CFAP74: variants seen among roughly 807,000 people sequenced by gnomAD.
CFAP74 encodes the protein cilia and flagella associated protein 74, also known as cilia- and flagella-associated protein 74.
In CFAP74, 124 loss-of-function variants were observed where a neutral mutation model predicts 188.9. The observed-to-expected ratio is 0.66, with a 90% confidence interval of 0.57 to 0.76. The LOEUF (loss-of-function observed/expected upper bound fraction) is 0.76, where lower values mean the gene tolerates loss of function less well. CFAP74 is among the 30% of genes least tolerant of loss of function. The pLI is 0.00. For synonymous variants in CFAP74, 956 were observed against 916.7 expected (o/e 1.04, Z -0.77); for missense variants, 2,198 against 2,165.2 (o/e 1.02, Z -0.30).
At chr1:1,983,264 C>T (rs955546103) in intron 6 of CFAP74, among the ~76,000 whole-genome samples, 2 of 152,244 alleles carry the variant, frequency 1.3e-5, no homozygotes, top group East Asian at 1.9e-4. Flanking sequence ...GGGATGCCAG[C>T]GCTCGTGTGA....
intron 6 of CFAP74, among the ~76,000 whole-genome samples, chr1:1,977,588 G>A (rs757545956): frequency 1.6e-4 from 24 of 152,230 alleles, no homozygotes; most frequent in Non-Finnish European, 2.8e-4. Flanking sequence ...TACACAGCAG[G>A]ACGTGGGGGA....
Position 1,929,853 on chromosome 1 carries a change from C to G in CFAP74, c.3288+207G>C, listed in dbSNP as rs532318866. On this transcript the variant is annotated intron_variant, in intron 26 of 38. Transcript: ENST00000682832. ...TGGACCAAGGGCACTGTGACCCCCC[C>G]CGATGGGGGTGGCCTTGGGCCCCCA... is the stretch of plus-strand genomic sequence containing the variant. 2.4e-4 allele frequency among the ~76,000 whole-genome samples: 36 copies of G among 152,208 alleles called. 1 individual carries two copies. The South Asian group carries it at 7.0e-3, about 30-fold the overall frequency.
At position 1,924,282 on chromosome 1, in the gene CFAP74, A is replaced by C. The variant is rs540924887; in HGVS notation, c.4234+109T>G. On this transcript the variant is annotated intron_variant, in intron 34 of 38. Transcript: ENST00000682832. Reference sequence around the variant, plus strand: ...CAGTTCACCGCCCGCAGCCCATCTCATTGCCCAGCCCCCTATCTCACCAAC... The same window carrying C: ...CAGTTCACCGCCCGCAGCCCATCTCCTTGCCCAGCCCCCTATCTCACCAAC... 24 of 272,194 alleles carry C rather than the reference A, an allele frequency of 8.8e-5. No homozygotes were observed. The South Asian group carries it at 1.1e-3, about 13-fold the overall frequency. The allele number at this position is 272,194 out of a possible 1,614,324, so 16.9% of individuals were successfully genotyped here.
chr1:1,938,089 ACTCAAC>A (rs1319383967), intron 25 of CFAP74, among the ~76,000 whole-genome samples: 4 of 147,534 alleles, frequency 2.7e-5, no homozygotes. Context: ...ACGCACTCAC[ACTCAAC>A]CTTACACACC....
In CFAP74 at chr1:1,991,784, A is replaced by G. The variant is rs1202905877; in HGVS notation, c.-19-809T>C. On this transcript the variant is annotated intron_variant, in intron 1 of 38. Transcript: ENST00000682832. ...GCTGGGCGTGGTGGCTCACACCTGT[A>G]ATCCCAGCACTTTGGGAGGCCAAGG... is the stretch of plus-strand genomic sequence containing the variant. Among the ~76,000 whole-genome samples the G allele has an allele frequency of 2.0e-5, 3 of 152,086 alleles. No homozygotes were observed. The East Asian group carries it at 5.8e-4, about 29-fold the overall frequency.
At chr1:1,931,560 C>T (rs1442028398) in intron 25 of CFAP74, among the ~76,000 whole-genome samples, 1 of 137,600 alleles carries the variant, frequency 7.3e-6, no homozygotes, top group Non-Finnish European at 1.6e-5. Context: ...CACGGCGAAA[C>T]CCCGTCGCTA....
intron 1 of CFAP74, among the ~76,000 whole-genome samples, chr1:1,992,640 AT>A (rs1427486930): frequency 6.6e-6 from 1 of 150,942 alleles, no homozygotes; most frequent in Admixed American, 6.6e-5. Context: ...CGCCCAGCTA[AT>A]TTTTTTGTAT....
chr1:1,931,346 C>T (rs184424921), intron 25 of CFAP74, among the ~76,000 whole-genome samples: 84 of 147,682 alleles, frequency 5.7e-4, no homozygotes, highest in Non-Finnish European at 1.1e-3. Context: ...AGGAGAATGG[C>T]GTGAATCCTG....
intron 21 of CFAP74, among the ~76,000 whole-genome samples, chr1:1,944,085 C>A (rs567620585): frequency 3.4e-4 from 52 of 152,330 alleles, no homozygotes; most frequent in Middle Eastern, 3.4e-3. Flanking sequence ...GTCTGCTAAG[C>A]CCCCTGCTTG....
chr1:1,944,151 T>C (rs1653580812), intron 21 of CFAP74, among the ~76,000 whole-genome samples, 180 bp downstream of exon 21: 1 of 152,114 alleles, frequency 6.6e-6, no homozygotes, highest in African/African-American at 2.4e-5. Flanking sequence ...CCAGGTGCCA[T>C]GTCCCCGCTG....
Position 1,985,472 on chromosome 1 carries a change from G to A in CFAP74, c.414C>T (p.Leu138=), listed in dbSNP as rs1471126165. 6 of 1,613,880 alleles carry A rather than the reference G, an allele frequency of 3.7e-6. No homozygotes were observed. Among genetic ancestry groups the A allele is most frequent in the Non-Finnish European group, 5.1e-6 (6 of 1,180,002 alleles). ...EAGNMAAVGR[L]QAVSRRLFAE... ...CAAACAGGCGTCTGGACACGGCCTG[G>A]AGGCGGCCCACAGCGGCCCTGCAGT... Residue 138 remains leucine (L), a synonymous_variant, in exon 6 of 39, where the codon CTC becomes CTT. Coordinates refer to ENST00000682832, the MANE Select transcript of CFAP74 (RefSeq NM_001304360.2).
At chr1:1,970,900 G>T (rs941315821) in intron 9 of CFAP74, 84 bp from the exon 10 acceptor site, 5 of 1,524,328 alleles carry the variant, frequency 3.3e-6, no homozygotes, top group Non-Finnish European at 4.5e-6. Flanking sequence ...TGCACACACA[G>T]GTTCATACAT....
chr1:1,981,481 C>G (rs371670493), intron 6 of CFAP74, among the ~76,000 whole-genome samples: 1 of 121,464 alleles, frequency 8.2e-6, no homozygotes, highest in African/African-American at 3.2e-5. Context: ...CGCGGTCACA[C>G]GCGGGGGCAC....
At position 1,944,022 on chromosome 1, in the gene CFAP74, G is replaced by A. The variant is rs531487616; in HGVS notation, c.2486+309C>T. Among the ~76,000 whole-genome samples the A allele has an allele frequency of 3.3e-5, 5 of 152,236 alleles. No individual in the cohort carries two copies. In the East Asian group the frequency reaches 7.7e-4, roughly 24 times the overall value. ...TGACGCCTCCCGTGATGACACTGGCGCCTCCCAGATGATCCTGGATCACCC... is the reference window on the plus strand; with the variant it reads ...TGACGCCTCCCGTGATGACACTGGCACCTCCCAGATGATCCTGGATCACCC... On this transcript the variant is annotated intron_variant, in intron 21 of 38. Coordinates refer to ENST00000682832, the MANE Select transcript of CFAP74 (RefSeq NM_001304360.2).
Position 1,973,628 on chromosome 1 carries a change from C to T in CFAP74, c.674+397G>A, listed in dbSNP as rs948880912. On this transcript the variant is annotated intron_variant, in intron 7 of 38. Transcript: ENST00000682832. This position sits in a 1 kb window ranked among gnomAD's most constrained non-coding sequence, Gnocchi z 6.2. ...AATGGGCCTGAGTGCTCCACAGCCA[C>T]GCAGGTGGGGGCCGTGGGAGGGGTG... 1.3e-5 allele frequency among the ~76,000 whole-genome samples: 2 copies of T among 151,548 alleles called. No homozygotes were observed. The highest frequency in any genetic ancestry group is 1.3e-4 in the Admixed American group (2 of 15,226).
At position 1,930,134 on chromosome 1, in the gene CFAP74, A is replaced by T. The variant is rs1225933893; in HGVS notation, c.3214T>A (p.Ser1072Thr). ...TCTGGGGGCAGCAGGAACTCGAAAG[A>T]CGTGGGCCCCATGGGAGAGGCGTCC... ...SEDASPMGPTSFEFLLPPDSP... is the reference protein window; with the variant it reads ...SEDASPMGPTTFEFLLPPDSP... Residue 1072 changes from serine (S) to threonine (T), a missense_variant, in exon 26 of 39, where the codon TCT (serine) becomes ACT (threonine). Physicochemically the swap from Ser to Thr is moderately conservative, Grantham distance 58. Transcript: ENST00000682832. 1 of 1,535,484 alleles carries T rather than the reference A, an allele frequency of 6.5e-7. No homozygotes were observed. The highest frequency in any genetic ancestry group is 1.2e-5 in the South Asian group (1 of 84,056).
intron 14 of CFAP74, 104 bp from the exon 15 acceptor site, chr1:1,960,134 C>A (rs1396275297): frequency 4.1e-6 from 4 of 967,046 alleles, no homozygotes; most frequent in Non-Finnish European, 6.2e-6. Flanking sequence ...GCCTCCTCCC[C>A]ATCCCGGGCC....
At chr1:1,948,377 A>ATCCTC (rs1558014120) in intron 18 of CFAP74, among the ~76,000 whole-genome samples, 5 of 149,872 alleles carry the variant, frequency 3.3e-5, no homozygotes, top group African/African-American at 9.9e-5. Flanking sequence ...GTTTCAAGTG[A>ATCCTC]CCACAGATGC....
rs549247229 is a variant in CFAP74 at position 1,939,724 on chromosome 1, G to A, written c.2747C>T (p.Ser916Leu). The A allele has an allele frequency of 1.3e-6, 2 of 1,536,068 alleles. No individual in the cohort carries two copies. The highest frequency in any genetic ancestry group is 2.4e-5 in the East Asian group (1 of 40,918). Residue 916 changes from serine to leucine, a missense_variant, in exon 24 of 39, where the codon TCG becomes TTG. By Grantham distance (145) the Ser-to-Leu change is moderately radical (BLOSUM62 -2). Transcript: ENST00000682832. The stretch of plus-strand genomic sequence containing the variant: ...CTCCGAGGGACTGAGCTCCAGGTCC[G>A]AGGTGGTGACAATGGCATGCACGGT... ...GFTVHAIVTT[S>L]DLELSPSEVD... is the part of the protein sequence containing the mutation.
Sources: gnomAD v4.1 joint callset for allele counts (sites outside exome capture counted in the v4.1 genomes callset) on GRCh38, gnomAD v4.1.1 for gene constraint, Gnocchi (gnomAD v3.1) non-coding constraint, MANE v1.5 for transcripts, NCBI Gene and HGNC (gene_info 2026-07-23, HGNC 2026-07-21) for gene names.